KCNMB2: variants seen among roughly 807,000 people sequenced by gnomAD.
The protein encoded by KCNMB2 is potassium calcium-activated channel subfamily M regulatory beta subunit 2.
In KCNMB2, 9 loss-of-function variants were observed where a neutral mutation model predicts 24.5. The ratio of observed to expected loss-of-function variants is 0.37; its 90% CI spans 0.22 to 0.64. The LOEUF is 0.64. Among genes scored for constraint, KCNMB2 ranks in the 30% least tolerant of loss-of-function variants. The pLI is 0.63. For missense variants in KCNMB2, 226 were observed against 284.3 expected (o/e 0.79, Z 1.47); for synonymous variants, 109 against 104.4 (o/e 1.04, Z -0.27).
intron 1 of KCNMB2, among the ~76,000 whole-genome samples, chr3:178,634,387 G>C (rs1243340344): frequency 6.6e-6 from 1 of 152,062 alleles, no homozygotes; most frequent in African/African-American, 2.4e-5. Flanking sequence ...GCATGACCAG[G>C]GAGGCCTCAG....
intron 1 of KCNMB2, among the ~76,000 whole-genome samples, chr3:178,613,270 C>T (rs903455527): frequency 3.3e-5 from 5 of 152,190 alleles, no homozygotes; most frequent in Admixed American, 6.5e-5. Flanking sequence ...TGGTGGTGGG[C>T]GCCTTTAATC....
At chr3:178,662,489 A>C (rs1406789528) in intron 1 of KCNMB2, among the ~76,000 whole-genome samples, 1 of 152,180 alleles carries the variant, frequency 6.6e-6, no homozygotes, top group Admixed American at 6.5e-5. Flanking sequence ...GACTATATAC[A>C]AAATTCACAC....
At chr3:178,572,285 A>G (rs914116019) in intron 1 of KCNMB2, among the ~76,000 whole-genome samples, 1 of 152,204 alleles carries the variant, frequency 6.6e-6, no homozygotes, top group African/African-American at 2.4e-5. Flanking sequence ...AAGCTATACA[A>G]TTATATCCAT....
intron 1 of KCNMB2, among the ~76,000 whole-genome samples, chr3:178,757,840 G>GATAC (rs1553774442): frequency 2.1e-4 from 3 of 13,962 alleles, no homozygotes; most frequent in African/African-American, 2.1e-3. Flanking sequence ...CATCCAAGAG[G>GATAC]ATATATATAT....
intron 1 of KCNMB2, among the ~76,000 whole-genome samples, chr3:178,687,219 TA>T (rs974194533): frequency 1.3e-5 from 2 of 151,890 alleles, no homozygotes; most frequent in African/African-American, 4.8e-5. Context: ...CAGTGCCATT[TA>T]AAAAAAAGCT....
chr3:178,589,595 C>T (rs747883978), intron 1 of KCNMB2, among the ~76,000 whole-genome samples: 3 of 152,188 alleles, frequency 2.0e-5, no homozygotes, highest in Non-Finnish European at 4.4e-5. Flanking sequence ...CCTCCAGCCT[C>T]AGCCTCCCAA....
intron 1 of KCNMB2, among the ~76,000 whole-genome samples, chr3:178,757,723 TATATATCC>T (rs1560005692): frequency 2.5e-5 from 2 of 80,502 alleles, no homozygotes; most frequent in African/African-American, 9.6e-5. Flanking sequence ...TATATATGTA[TATATATCC>T]AAGAGGATAT....
intron 1 of KCNMB2, among the ~76,000 whole-genome samples, chr3:178,778,930 C>A (rs1047485895): frequency 6.7e-6 from 1 of 148,964 alleles, no homozygotes; most frequent in African/African-American, 2.4e-5. Flanking sequence ...GGAGTCCATA[C>A]TGCAGCCTGA....
chr3:178,595,802 T>C (rs1212567978), intron 1 of KCNMB2, among the ~76,000 whole-genome samples: 1 of 152,122 alleles, frequency 6.6e-6, no homozygotes, highest in African/African-American at 2.4e-5. Flanking sequence ...AACGGACTAA[T>C]AGAGGTGCCA....
At chr3:178,577,809 A>T (rs1717051557) in intron 1 of KCNMB2, among the ~76,000 whole-genome samples, 2 of 152,202 alleles carry the variant, frequency 1.3e-5, no homozygotes, top group Non-Finnish European at 2.9e-5. Context: ...GAAATAAAGT[A>T]TGAAGACAAG....
intron 1 of KCNMB2, among the ~76,000 whole-genome samples, chr3:178,791,158 C>G (rs1713307972): frequency 1.3e-5 from 2 of 152,316 alleles, no homozygotes; most frequent in East Asian, 3.9e-4. Flanking sequence ...ACCGGAATGA[C>G]AGACATATGT....
chr3:178,721,465 C>G (rs1722803225), intron 1 of KCNMB2, among the ~76,000 whole-genome samples: 1 of 152,108 alleles, frequency 6.6e-6, no homozygotes, highest in African/African-American at 2.4e-5. Context: ...AGTGGTTTAT[C>G]CATTCAACCC....
intron 1 of KCNMB2, among the ~76,000 whole-genome samples, chr3:178,782,793 T>G (rs1242053030): frequency 8.6e-5 from 13 of 151,298 alleles, no homozygotes; most frequent in African/African-American, 2.4e-4. Flanking sequence ...CTCTTTAGTT[T>G]AATTAGATCC....
In KCNMB2 at chr3:178,614,283, A is replaced by G. The variant is rs113907257; in HGVS notation, c.-68+77572A>G. On this transcript the variant is annotated intron_variant, in intron 1 of 4. Coordinates refer to ENST00000452583, the MANE Select transcript of KCNMB2 (RefSeq NM_181361.3). ...TATATATATATATATATATATATAT[A>G]TATATATATATATGTATGTATATAT... 6.9e-3 allele frequency among the ~76,000 whole-genome samples: 476 copies of G among 69,444 alleles called. 6 individuals carry two copies. Among genetic ancestry groups the G allele is most frequent in the African/African-American group, 0.016 (358 of 22,168 alleles). The allele number at this position is 69,444 out of a possible 152,430, so 45.6% of individuals were successfully genotyped here.
intron 1 of KCNMB2, among the ~76,000 whole-genome samples, chr3:178,722,102 T>C (rs573800321): frequency 6.6e-6 from 1 of 152,328 alleles, no homozygotes; most frequent in South Asian, 2.1e-4. Flanking sequence ...ATCTGACAAC[T>C]CTTGCTTAAT....
chr3:178,691,755 T>A (rs778582218), intron 1 of KCNMB2, among the ~76,000 whole-genome samples: 1 of 152,216 alleles, frequency 6.6e-6, no homozygotes, highest in Non-Finnish European at 1.5e-5. Context: ...CAATTTATAC[T>A]CCTTTGGGGA....
chr3:178,644,895 C>A (rs1542526), intron 1 of KCNMB2, among the ~76,000 whole-genome samples: 148,235 of 152,274 alleles, frequency 0.97, 72,158 homozygotes, highest in Middle Eastern at 1. Context: ...TGTACCAAAC[C>A]GAACTAGATT....
At chr3:178,761,543 T>C (rs1282781440) in intron 1 of KCNMB2, among the ~76,000 whole-genome samples, 1 of 152,202 alleles carries the variant, frequency 6.6e-6, no homozygotes, top group Non-Finnish European at 1.5e-5. Context: ...ATGGCAAATG[T>C]AGCCAAGATG....
At chr3:178,571,775 C>T (rs892826107) in intron 1 of KCNMB2, among the ~76,000 whole-genome samples, 10 of 152,006 alleles carry the variant, frequency 6.6e-5, no homozygotes, top group African/African-American at 2.4e-4. Flanking sequence ...CGAATGAGAA[C>T]ATGCGGTGTT....
Sources: gnomAD v4.1 joint callset for allele counts (sites outside exome capture counted in the v4.1 genomes callset) on GRCh38, gnomAD v4.1.1 for gene constraint, MANE v1.5 for transcripts, NCBI Gene and HGNC (gene_info 2026-07-23, HGNC 2026-07-21) for gene names.